PKP4: variants seen among roughly 807,000 people sequenced by gnomAD.
The protein encoded by PKP4 is plakophilin 4.
In PKP4, 90 loss-of-function variants were observed where a neutral mutation model predicts 145.1. That is an observed-to-expected ratio of 0.62 (90% CI 0.52 to 0.74). PKP4 has a LOEUF of 0.74. PKP4 is among the 30% of genes least tolerant of loss of function. The pLI is 0.00. For synonymous variants in PKP4, 563 were observed against 577.2 expected (o/e 0.98, Z 0.35); for missense variants, 1,340 against 1,482.7 (o/e 0.90, Z 1.58).
In PKP4 at chr2:158,663,459, C is replaced by T; in HGVS notation, c.2577+14C>T. The T allele has an allele frequency of 6.3e-7, 1 of 1,596,286 alleles. No individual in the cohort carries two copies. The highest frequency in any genetic ancestry group is 2.2e-5 in the East Asian group (1 of 44,764). ...GGCAACTGGAAGGTAGGATGACTTC[C>T]ACTTATCTACACTTCTTTCCATCTT... On this transcript the variant is annotated intron_variant, in intron 15 of 21. Coordinates refer to ENST00000389759, the MANE Select transcript of PKP4 (RefSeq NM_003628.6).
intron 11 of PKP4, among the ~76,000 whole-genome samples, chr2:158,643,823 T>C (rs1017240877): frequency 1.3e-5 from 2 of 152,070 alleles, no homozygotes; most frequent in Non-Finnish European, 2.9e-5. Context: ...TGGGATGCAA[T>C]GGCATGATCT....
At chr2:158,661,283 G>T (rs185109798) in intron 12 of PKP4, 50 bp from the exon 13 acceptor site, 1 of 1,342,214 alleles carries the variant, frequency 7.5e-7, no homozygotes, top group Non-Finnish European at 1.1e-6. Context: ...CCACGTGGCT[G>T]ATGAGTGCAT....
Position 158,631,837 on chromosome 2 carries a change from C to T in PKP4, c.1238C>T (p.Pro413Leu). ...GTGTCTCCCGACTTGCACATTACTC[C>T]TATATATGAGGGGAGGACCTATTAC... Reference protein sequence around the residue: ...SAVSPDLHITPIYEGRTYYSP... With the variant: ...SAVSPDLHITLIYEGRTYYSP... Residue 413 changes from proline (P) to leucine (L), a missense_variant, in exon 8 of 22, where the codon CCT becomes CTT. Transcript: ENST00000389759. The T allele has an allele frequency of 6.2e-7, 1 of 1,614,106 alleles. No homozygotes were observed. The highest frequency in any genetic ancestry group is 1.3e-5 in the African/African-American group (1 of 75,034).
intron 20 of PKP4, 189 bp downstream of exon 20, chr2:158,677,056 T>C: frequency 1.5e-6 from 1 of 677,414 alleles, no homozygotes; most frequent in Non-Finnish European, 2.7e-6. Context: ...AAAACAAGCA[T>C]GTACTTGTTT....
chr2:158,487,813 GAGGGAGGAAGGA>G (rs964353027), intron 1 of PKP4, among the ~76,000 whole-genome samples: 3 of 151,994 alleles, frequency 2.0e-5, no homozygotes, highest in African/African-American at 4.8e-5. Context: ...AAGGGGGAGG[GAGGGAGGAAGGA>G]AGGGAGGAAG....
At chr2:158,638,733 G>A (rs988934862) in intron 9 of PKP4, among the ~76,000 whole-genome samples, 1 of 152,168 alleles carries the variant, frequency 6.6e-6, no homozygotes, top group Non-Finnish European at 1.5e-5. Flanking sequence ...AATGGATTTG[G>A]TATATGTTAA....
rs922986243 is a variant in PKP4, at chr2:158,516,008, G to A, written c.-5-17172G>A. Among the ~76,000 whole-genome samples the A allele has an allele frequency of 4.0e-5, 6 of 150,716 alleles. No homozygotes were observed. The South Asian group carries it at 1.3e-3, about 32-fold the overall frequency. On this transcript the variant is annotated intron_variant, in intron 1 of 21. Transcript: ENST00000389759. ...TGTAGTGAGCTATGATTGTGCCACT[G>A]TACTCCAGCCTGGGTGACAGAGTGA...
At position 158,663,454 on chromosome 2, in the gene PKP4, A is replaced by G; in HGVS notation, c.2577+9A>G. ...CTGCTGGCAACTGGAAGGTAGGATG[A>G]CTTCCACTTATCTACACTTCTTTCC... On this transcript the variant is annotated intron_variant, in intron 15 of 21. Coordinates refer to ENST00000389759, the MANE Select transcript of PKP4 (RefSeq NM_003628.6). 5 of 1,601,510 alleles carry G rather than the reference A, an allele frequency of 3.1e-6. No individual in the cohort carries two copies. The South Asian group carries it at 5.5e-5, about 18-fold the overall frequency.
intron 7 of PKP4, among the ~76,000 whole-genome samples, chr2:158,626,795 TTA>T (rs564865150): frequency 1.6e-4 from 25 of 152,220 alleles, no homozygotes; most frequent in Non-Finnish European, 3.7e-4. Context: ...ATCAACGACT[TTA>T]TTTCATTTTG....
At chr2:158,551,121 T>C (rs2045585842) in intron 2 of PKP4, among the ~76,000 whole-genome samples, 1 of 152,246 alleles carries the variant, frequency 6.6e-6, no homozygotes, top group South Asian at 2.1e-4. Flanking sequence ...AACTCTGATT[T>C]GCTTTTAGGC....
intron 2 of PKP4, among the ~76,000 whole-genome samples, chr2:158,548,265 A>G (rs1017395548): frequency 3.9e-5 from 6 of 152,174 alleles, no homozygotes; most frequent in African/African-American, 1.4e-4. Context: ...GAACAGTTAT[A>G]CTCATATTTA....
intron 2 of PKP4, among the ~76,000 whole-genome samples, chr2:158,558,730 GT>G (rs1218193749): frequency 6.6e-6 from 1 of 152,160 alleles, no homozygotes; most frequent in Non-Finnish European, 1.5e-5. Context: ...TTGGGGTGCT[GT>G]CAAGAGAGTG....
intron 2 of PKP4, among the ~76,000 whole-genome samples, chr2:158,545,004 C>T (rs1309781558): frequency 2.0e-5 from 3 of 151,272 alleles, no homozygotes. Context: ...CATTGGGCAC[C>T]CAGAGATCCA....
intron 13 of PKP4, 27 bp downstream of exon 13, chr2:158,661,477 G>A: frequency 6.2e-6 from 9 of 1,459,964 alleles, no homozygotes; most frequent in Non-Finnish European, 8.6e-6. Flanking sequence ...TTGCAGGAGG[G>A]CGTGGTGGCA....
At position 158,482,886 on chromosome 2, in the gene PKP4, C is replaced by A. The variant is rs543016564; in HGVS notation, c.-6+25668C>A. 3.3e-5 allele frequency among the ~76,000 whole-genome samples: 5 copies of A among 151,574 alleles called. No individual in the cohort carries two copies. The South Asian group carries it at 1.0e-3, about 32-fold the overall frequency. On this transcript the variant is annotated intron_variant, in intron 1 of 21. Coordinates refer to ENST00000389759, the MANE Select transcript of PKP4 (RefSeq NM_003628.6). ...AATTTAGAGAACATGCAGGTCATTG[C>A]ACAGAATGGAAGTATACCTGTATGT... is the stretch of plus-strand genomic sequence containing the variant.
rs1290412512 is a variant in PKP4, at chr2:158,631,869, G to T, written c.1270G>T (p.Val424Leu). 31 of 1,614,154 alleles carry T rather than the reference G, an allele frequency of 1.9e-5. No individual in the cohort carries two copies. The highest frequency in any genetic ancestry group is 2.5e-5 in the Non-Finnish European group (30 of 1,180,000). Reference sequence around the variant, plus strand: ...TGAGGGGAGGACCTATTACAGCCCAGTGTACCGCAGCCCAAACCATGGAAC... The same window carrying T: ...TGAGGGGAGGACCTATTACAGCCCATTGTACCGCAGCCCAAACCATGGAAC... Reference protein sequence around the residue: ...IYEGRTYYSPVYRSPNHGTVE... With the variant: ...IYEGRTYYSPLYRSPNHGTVE... The change falls in exon 8 of 22, where the codon GTG becomes TTG. Residue 424 changes from valine to leucine, a missense_variant. Physicochemically the swap from Val to Leu is conservative, Grantham distance 32. Transcript: ENST00000389759.
At chr2:158,507,378 G>A (rs1037509003) in intron 1 of PKP4, among the ~76,000 whole-genome samples, 7 of 152,182 alleles carry the variant, frequency 4.6e-5, no homozygotes, top group African/African-American at 1.7e-4. Flanking sequence ...GCTGTTAGTC[G>A]AAGGTAAATT....
chr2:158,624,863 C>G lies in PKP4; in HGVS notation c.604-15C>G, dbSNP rs539760173. 5 of 1,544,196 alleles carry G rather than the reference C, an allele frequency of 3.2e-6. No homozygotes were observed. Among genetic ancestry groups the G allele is most frequent in the South Asian group, 1.3e-5 (1 of 78,996 alleles). On this transcript the variant is annotated splice_polypyrimidine_tract_variant and intron_variant, in intron 6 of 21. Transcript: ENST00000389759. ...CTGGATAAACCCATTCTCTTTTTTC[C>G]CCCCCTTTCATCAGCCATCAGTAGC...
chr2:158,500,668 C>T (rs1001776030), intron 1 of PKP4, among the ~76,000 whole-genome samples: 1 of 152,194 alleles, frequency 6.6e-6, no homozygotes, highest in Non-Finnish European at 1.5e-5. Flanking sequence ...ATTGAGTCAG[C>T]CCTCTTACAT....
Sources: allele counts gnomAD v4.1 joint callset (sites outside exome capture counted in the v4.1 genomes callset), GRCh38; gene constraint gnomAD v4.1.1; transcripts MANE v1.5; gene names NCBI Gene and HGNC (gene_info 2026-07-23, HGNC 2026-07-21).